Variants in BBS12 observed in about 807,000 individuals in gnomAD.
The protein encoded by BBS12 is chaperonin-containing T-complex member BBS12.
In BBS12, 5 loss-of-function variants were observed where a neutral mutation model predicts 5.6. That is an observed-to-expected ratio of 0.89 (90% CI 0.46 to 1.86). The LOEUF (loss-of-function observed/expected upper bound fraction) is 1.86, where lower values mean the gene tolerates loss of function less well. Among genes scored for constraint, BBS12 ranks in the 40% most tolerant of loss-of-function variants. BBS12 has a pLI of 0.01. For missense variants in BBS12, 748 were observed against 830.4 expected (o/e 0.90, Z 1.22); for synonymous variants, 308 against 306.8 (o/e 1.00, Z -0.04).
the BBS12 span, among the ~76,000 whole-genome samples, chr4:122,707,058 T>C: frequency 1.8e-4 from 23 of 125,308 alleles, no homozygotes; most frequent in Admixed American, 3.5e-4. Context: ...CTCTCTCTTT[T>C]TTTTTTTTTT....
chr4:122,734,096 G>A (rs948618098), intron 1 of BBS12: 1 of 152,020 alleles, frequency 6.6e-6, no homozygotes, highest in African/African-American at 2.4e-5. Flanking sequence ...AAATAGGTAA[G>A]TTTATCCTCA....
chr4:122,722,279 T>G, the BBS12 span, among the ~76,000 whole-genome samples: 2 of 152,214 alleles, frequency 1.3e-5, no homozygotes, highest in African/African-American at 4.8e-5. Context: ...ACCGGTCCAC[T>G]AGTCTATCCT....
chr4:122,727,563 T>TTG, the BBS12 span, among the ~76,000 whole-genome samples: 25 of 102,496 alleles, frequency 2.4e-4, no homozygotes, highest in African/African-American at 1.1e-3. Context: ...TTTTTTTTTT[T>TTG]TTTTGAGATG....
upstream of BBS12, chr4:122,729,492 C>G (rs1800671174): frequency 6.6e-6 from 1 of 152,180 alleles, no homozygotes; most frequent in African/African-American, 2.4e-5. Context: ...AGGGAAGCAG[C>G]ATAATGAAGA....
intron 1 of BBS12, among the ~76,000 whole-genome samples, chr4:122,735,771 C>T (rs1455864676): frequency 6.6e-6 from 1 of 152,014 alleles, no homozygotes; most frequent in Non-Finnish European, 1.5e-5. Flanking sequence ...AATTGCCTTC[C>T]TGGAAATTAC....
the BBS12 span, among the ~76,000 whole-genome samples, chr4:122,714,837 A>G: frequency 6.6e-6 from 1 of 152,274 alleles, no homozygotes; most frequent in South Asian, 2.1e-4. Context: ...AAAACATAAA[A>G]CAATAGTTTA....
At chr4:122,710,561 C>G in the BBS12 span, among the ~76,000 whole-genome samples, 1 of 152,010 alleles carries the variant, frequency 6.6e-6, no homozygotes, top group African/African-American at 2.4e-5. Context: ...AGAGAGGTAT[C>G]GTGTTACAGT....
At chr4:122,716,593 G>A in the BBS12 span, among the ~76,000 whole-genome samples, 4 of 132,230 alleles carry the variant, frequency 3.0e-5, no homozygotes, top group East Asian at 7.3e-4. Flanking sequence ...ATACACATAT[G>A]TATGTATACA....
chr4:122,723,844 C>T, the BBS12 span, among the ~76,000 whole-genome samples: 1 of 152,022 alleles, frequency 6.6e-6, no homozygotes, highest in African/African-American at 2.4e-5. Flanking sequence ...AACTAAAGTC[C>T]CCATGATATC....
rs567705251 is a variant in BBS12 at position 122,736,435 on chromosome 4, GC to G, written c.-11+3552del. Among the ~76,000 whole-genome samples, 367 of 152,166 alleles carry G rather than the reference GC, an allele frequency of 2.4e-3. 3 individuals are homozygous for G. The highest frequency in any genetic ancestry group is 8.5e-3 in the African/African-American group (352 of 41,530). ...AGAAAATATTATAATTTTTCAAAAT[GC>G]AGCTCCTGAAAGCATTGCATGTCTT... On this transcript the variant is annotated intron_variant, in intron 1 of 1. Coordinates refer to ENST00000314218, the MANE Select transcript of BBS12 (RefSeq NM_152618.3).
intron 1 of BBS12, among the ~76,000 whole-genome samples, chr4:122,738,112 C>T (rs1301919042): frequency 1.3e-5 from 2 of 152,058 alleles, no homozygotes; most frequent in Admixed American, 6.5e-5. Flanking sequence ...TTGGATTTGG[C>T]AATGGATTTT....
chr4:122,714,743 C>T, the BBS12 span, among the ~76,000 whole-genome samples: 1 of 152,044 alleles, frequency 6.6e-6, no homozygotes, highest in Non-Finnish European at 1.5e-5. Flanking sequence ...AACAGGTACT[C>T]ATATAAATAA....
intron 1 of BBS12, among the ~76,000 whole-genome samples, chr4:122,736,064 C>T (rs2150732881): frequency 6.6e-6 from 1 of 152,220 alleles, no homozygotes; most frequent in East Asian, 1.9e-4. Context: ...AGATAGGGAA[C>T]ATGCAAAGCA....
the BBS12 span, among the ~76,000 whole-genome samples, chr4:122,707,054 C>CTTT: frequency 2.9e-4 from 21 of 72,250 alleles, no homozygotes; most frequent in Non-Finnish European, 4.0e-4. Flanking sequence ...CTCTCTCTCT[C>CTTT]TTTTTTTTTT....
chr4:122,733,366 CT>C lies in BBS12; in HGVS notation c.-11+483del, dbSNP rs1800730949. Among the ~76,000 whole-genome samples, 2 of 141,030 alleles carry C rather than the reference CT, an allele frequency of 1.4e-5. 1 individual carries two copies. The highest frequency in any genetic ancestry group is 4.7e-4 in the South Asian group (2 of 4,300). 92.5% of individuals were successfully genotyped at this position (141,030 alleles called of 152,430 possible). On this transcript the variant is annotated intron_variant, in intron 1 of 1. Coordinates refer to ENST00000314218, the MANE Select transcript of BBS12 (RefSeq NM_152618.3). Reference sequence around the variant, plus strand: ...CCCATAATTACTATCGGACCCCGCCCTCCAACCCCAACACACACACACACAC... The same window carrying C: ...CCCATAATTACTATCGGACCCCGCCCCCAACCCCAACACACACACACACAC...
chr4:122,715,700 G>A, the BBS12 span, among the ~76,000 whole-genome samples: 495 of 152,104 alleles, frequency 3.3e-3, 1 homozygote, highest in African/African-American at 9.8e-3. Flanking sequence ...ATTTATCCAT[G>A]ATATACTTCC....
At chr4:122,726,773 A>G in the BBS12 span, among the ~76,000 whole-genome samples, 1 of 152,262 alleles carries the variant, frequency 6.6e-6, no homozygotes, top group Non-Finnish European at 1.5e-5. Context: ...CTACTTAGCC[A>G]TAAAAAGAAA....
At chr4:122,708,943 A>G in the BBS12 span, among the ~76,000 whole-genome samples, 1 of 152,198 alleles carries the variant, frequency 6.6e-6, no homozygotes, top group Non-Finnish European at 1.5e-5. Context: ...ACAATGATAA[A>G]GCATGTAAAA....
the BBS12 span, among the ~76,000 whole-genome samples, chr4:122,722,519 C>T: frequency 6.6e-6 from 1 of 152,178 alleles, no homozygotes; most frequent in Non-Finnish European, 1.5e-5. Context: ...TTGAGACTTC[C>T]AACCCATGAA....
Sources: allele counts gnomAD v4.1 joint callset (sites outside exome capture counted in the v4.1 genomes callset), GRCh38; gene constraint gnomAD v4.1.1; transcripts MANE v1.5; gene names NCBI Gene and HGNC (gene_info 2026-07-23, HGNC 2026-07-21).